The following CMIP variants were observed in gnomAD, a reference collection of about 807,000 sequenced individuals.
CMIP encodes the protein c-Maf inducing protein.
In CMIP, 13 loss-of-function variants were observed where a neutral mutation model predicts 97.3. The observed-to-expected ratio is 0.13, with a 90% CI of 0.09 to 0.21. The LOEUF is 0.21. CMIP is among the 10% of genes least tolerant of loss of function. The pLI, the probability that CMIP is intolerant of heterozygous loss-of-function variation, is 1.00. For synonymous variants in CMIP, 538 were observed against 436.3 expected, an observed-to-expected ratio of 1.23 and a Z score of -2.91; for missense variants, 847 against 1,024.9, an observed-to-expected ratio of 0.83 and a Z score of 2.37.
At chr16:81,450,616 G>C (rs1414167969) in intron 1 of CMIP, among the ~76,000 whole-genome samples, 2 of 152,148 alleles carry the variant, frequency 1.3e-5, no homozygotes, top group African/African-American at 4.8e-5. Flanking sequence ...CTAAAAATGG[G>C]TGGCCTCCAG....
At chr16:81,500,305 G>T (rs12922427) in intron 1 of CMIP, among the ~76,000 whole-genome samples, 5,609 of 20,164 alleles carry the variant, frequency 0.28, 251 homozygotes, top group Non-Finnish European at 0.31. Flanking sequence ...CTTCCTTCCT[G>T]CCTCCCTCCC....
chr16:81,551,092 CCCCAGTTCCATCACATATAT>C (rs1383827481), intron 1 of CMIP, among the ~76,000 whole-genome samples: 1 of 149,672 alleles, frequency 6.7e-6, no homozygotes, highest in Non-Finnish European at 1.5e-5. Context: ...GTCACACGCA[CCCCAGTTCCATCACATATAT>C]CCCAGTTCCA....
At chr16:81,649,172 T>A (rs1207393325) in intron 3 of CMIP, among the ~76,000 whole-genome samples, 1 of 152,254 alleles carries the variant, frequency 6.6e-6, no homozygotes, top group Non-Finnish European at 1.5e-5. Flanking sequence ...TGGCACATGG[T>A]ATGTCCTCAT....
intron 1 of CMIP, among the ~76,000 whole-genome samples, chr16:81,560,822 G>A (rs541965256): frequency 6.6e-6 from 1 of 152,130 alleles, no homozygotes; most frequent in Non-Finnish European, 1.5e-5. Flanking sequence ...TTCTGTACAG[G>A]TTTGTAGCCC....
chr16:81,577,388 C>T (rs1183121932), intron 1 of CMIP, among the ~76,000 whole-genome samples: 1 of 149,874 alleles, frequency 6.7e-6, no homozygotes, highest in Non-Finnish European at 1.5e-5. Flanking sequence ...TCATCACCAC[C>T]ATCATCCCCA....
At chr16:81,572,674 TCTTA>T (rs2091114359) in intron 1 of CMIP, among the ~76,000 whole-genome samples, 1 of 152,100 alleles carries the variant, frequency 6.6e-6, no homozygotes, top group South Asian at 2.1e-4. Context: ...TCCCGTTGAG[TCTTA>T]CTTCAAGTCC....
chr16:81,678,479 G>A lies in CMIP; in HGVS notation c.1239G>A (p.Lys413=). 1 of 1,595,180 alleles carries A rather than the reference G, an allele frequency of 6.3e-7. No individual in the cohort carries two copies. Among genetic ancestry groups the A allele is most frequent in the Non-Finnish European group, 8.5e-7 (1 of 1,171,786 alleles). The change falls in exon 10 of 21, where the codon AAG becomes AAA. Residue 413 remains lysine, a synonymous_variant. Transcript: ENST00000537098. ...AGGTGGAACGCACCAGCACTGCCAAGCCGGCGCTGACGGCCAGCGCAGGCA... is the reference window on the plus strand; with the variant it reads ...AGGTGGAACGCACCAGCACTGCCAAACCGGCGCTGACGGCCAGCGCAGGCA... ...HVEVERTSTA[K]PALTASAGND...
rs1279336283 is a variant in CMIP, at chr16:81,693,090, T to C, written c.1455-68T>C. On this transcript the variant is annotated intron_variant, in intron 11 of 20. Coordinates refer to ENST00000537098, the MANE Select transcript of CMIP (RefSeq NM_198390.3). ...AAGTCTAGACGTCCCCAGAGGTTAATCTTGGGAACATTGTGCTGTTTCCGA... is the reference window on the plus strand; with the variant it reads ...AAGTCTAGACGTCCCCAGAGGTTAACCTTGGGAACATTGTGCTGTTTCCGA... The C allele has an allele frequency of 2.5e-6, 3 of 1,209,494 alleles. No homozygotes were observed. The African/African-American group carries it at 4.5e-5, about 18-fold the overall frequency. The allele number at this position is 1,209,494 out of a possible 1,614,324, so 74.9% of individuals were successfully genotyped here.
chr16:81,469,122 A>G (rs1907377044), intron 1 of CMIP, among the ~76,000 whole-genome samples: 1 of 152,254 alleles, frequency 6.6e-6, no homozygotes. Flanking sequence ...CGTTGCCAAC[A>G]GGGAAATGTC....
chr16:81,454,372 G>T (rs1326843395), intron 1 of CMIP, among the ~76,000 whole-genome samples: 1 of 152,354 alleles, frequency 6.6e-6, no homozygotes, highest in African/African-American at 2.4e-5. Context: ...CCGTGTCTGT[G>T]TGGGTCCATC....
chr16:81,691,728 C>A, intron 10 of CMIP, 47 bp from the exon 11 acceptor site: 3 of 1,557,858 alleles, frequency 1.9e-6, no homozygotes, highest in Non-Finnish European at 2.7e-6. Flanking sequence ...GTGCCATAAA[C>A]CTTCCTTGTC....
chr16:81,564,895 G>A (rs1279887950), intron 1 of CMIP, among the ~76,000 whole-genome samples: 1 of 152,136 alleles, frequency 6.6e-6, no homozygotes, highest in African/African-American at 2.4e-5. Context: ...GGGGAAGAAG[G>A]CATCCTTGGA....
At chr16:81,675,610 G>A (rs1205201975) in intron 9 of CMIP, among the ~76,000 whole-genome samples, 1 of 152,138 alleles carries the variant, frequency 6.6e-6, no homozygotes, top group Non-Finnish European at 1.5e-5. Context: ...CATTTCTGGG[G>A]TATGGCCCAG....
rs184520589 is a variant in CMIP at position 81,659,703 on chromosome 16, A to G, written c.682-1181A>G. 1.8e-4 allele frequency among the ~76,000 whole-genome samples: 28 copies of G among 152,338 alleles called. No homozygotes were observed. The East Asian group carries it at 2.7e-3, about 15-fold the overall frequency. ...CTTGCATTCAGGACAAGCCTGGGAA[A>G]GAAATTTTGATCTGAGAAATCCAGG... On this transcript the variant is annotated intron_variant, in intron 5 of 20. Transcript: ENST00000537098.
At chr16:81,575,065 G>A (rs1325917689) in intron 1 of CMIP, among the ~76,000 whole-genome samples, 4 of 152,186 alleles carry the variant, frequency 2.6e-5, no homozygotes, top group African/African-American at 9.7e-5. Flanking sequence ...CCTGCTCAAG[G>A]AGAGTTGCCT....
intron 1 of CMIP, among the ~76,000 whole-genome samples, chr16:81,456,695 C>T (rs898539640): frequency 3.9e-5 from 6 of 152,196 alleles, no homozygotes; most frequent in Admixed American, 6.5e-5. Context: ...GATTTGACCC[C>T]AGGCTGTCTG....
intron 1 of CMIP, among the ~76,000 whole-genome samples, chr16:81,560,279 C>T (rs1212932902): frequency 8.7e-5 from 13 of 150,210 alleles, no homozygotes; most frequent in African/African-American, 2.4e-4. Context: ...AGTGCAGTGG[C>T]GCAATCTCGG....
At chr16:81,510,714 TTTG>T (rs1382330290) in intron 1 of CMIP, among the ~76,000 whole-genome samples, 1 of 152,110 alleles carries the variant, frequency 6.6e-6, no homozygotes, top group Non-Finnish European at 1.5e-5. Context: ...AAACCTTTAT[TTTG>T]TTTTGTTTTG....
chr16:81,646,519 T>A (rs1027858101), intron 3 of CMIP, among the ~76,000 whole-genome samples: 1 of 152,260 alleles, frequency 6.6e-6, no homozygotes, highest in African/African-American at 2.4e-5. Flanking sequence ...ATTCACCCAC[T>A]GTGAGTACAC....
Sources: allele counts gnomAD v4.1 joint callset (sites outside exome capture counted in the v4.1 genomes callset), GRCh38; gene constraint gnomAD v4.1.1; transcripts MANE v1.5; gene names NCBI Gene and HGNC (gene_info 2026-07-23, HGNC 2026-07-21).